URB2: variants seen among roughly 807,000 people sequenced by gnomAD.
URB2 encodes URB2 ribosome biogenesis homolog.
Under a neutral mutation model 120.9 loss-of-function variants are expected in URB2, and 86 were observed. The observed-to-expected ratio is 0.71, with a 90% CI of 0.60 to 0.85. URB2 has a LOEUF of 0.85. Ranked by LOEUF, URB2 falls within the 40% of genes least tolerant of loss-of-function variation. The probability of loss-of-function intolerance (pLI) is 0.00; values close to 1 mark genes in which losing one functional copy is unlikely to be tolerated. For missense variants in URB2, 1,765 were observed against 1,836.5 expected (o/e 0.96, Z 0.71); for synonymous variants, 755 against 758.4 (o/e 1.00, Z 0.07).
chr1:229,635,476 C>T lies in URB2; in HGVS notation c.863C>T (p.Ala288Val), dbSNP rs771084876. The change falls in exon 4 of 10, where the codon GCT becomes GTT. Residue 288 changes from alanine (A) to valine (V), a missense_variant. Ala to Val is a moderately conservative substitution (Grantham distance 64). Transcript: ENST00000258243. Reference protein sequence around the residue: ...MDTVLNRLVDAGYCAASLHTS... With the variant: ...MDTVLNRLVDVGYCAASLHTS... Reference sequence around the variant, plus strand: ...ACCGTGCTTAACAGGCTGGTTGATGCTGGCTACTGTGCAGCATCCCTTCAT... The same window carrying T: ...ACCGTGCTTAACAGGCTGGTTGATGTTGGCTACTGTGCAGCATCCCTTCAT... 7 of 1,612,644 alleles carry T rather than the reference C, an allele frequency of 4.3e-6. No individual in the cohort carries two copies. The highest frequency in any genetic ancestry group is 5.9e-6 in the Non-Finnish European group (7 of 1,179,120).
chr1:229,643,838 G>A, intron 5 of URB2, 145 bp downstream of exon 5: 1 of 1,152,864 alleles, frequency 8.7e-7, no homozygotes, highest in East Asian at 2.6e-5. Context: ...GGCTGTGAGA[G>A]GGAGCCCTGG....
In URB2 at chr1:229,660,090, GTCA is replaced by G. The variant is rs1666489392; in HGVS notation, c.*794_*796del. The G allele has an allele frequency of 5.3e-5, 8 of 152,220 alleles. 1 individual carries two copies. In the South Asian group the frequency reaches 1.7e-3, roughly 32 times the overall value. 9.4% of individuals were successfully genotyped at this position (152,220 alleles called of 1,614,324 possible). A position where few individuals can be genotyped will look rare whatever the true frequency, so the allele number is the denominator to read the frequency against. ...CTCAGTTACCCAGATAACCTCGGTT[GTCA>G]CCTTGGAGTATCTTGTTGTAGTCCC... is the stretch of plus-strand genomic sequence containing the variant. On this transcript the variant is annotated 3_prime_UTR_variant, in exon 10 of 10. Transcript: ENST00000258243.
intron 1 of URB2, among the ~76,000 whole-genome samples, chr1:229,627,109 CG>C (rs1553273054): frequency 1.3e-5 from 2 of 151,882 alleles, no homozygotes; most frequent in Non-Finnish European, 2.9e-5. Context: ...AGTGTATGTG[CG>C]TTGTAAATTT....
In URB2 at chr1:229,636,521, T is replaced by G. The variant is rs1262393344; in HGVS notation, c.1908T>G (p.Gly636=). ...ACTCTATGTCTGGGCCCCTTATAGGTGTTGCTCTGGAGATCTCGAACCTCC... is the reference window on the plus strand; with the variant it reads ...ACTCTATGTCTGGGCCCCTTATAGGGGTTGCTCTGGAGATCTCGAACCTCC... ...QYHSMSGPLI[G]VALEISNLPS... The change falls in exon 4 of 10, where the codon GGT becomes GGG. Residue 636 remains glycine, a synonymous_variant. Coordinates refer to ENST00000258243, the MANE Select transcript of URB2 (RefSeq NM_014777.4). 1 of 1,614,172 alleles carries G rather than the reference T, an allele frequency of 6.2e-7. No individual in the cohort carries two copies. Among genetic ancestry groups the G allele is most frequent in the Non-Finnish European group, 8.5e-7 (1 of 1,180,000 alleles).
intron 6 of URB2, 100 bp downstream of exon 6, chr1:229,646,069 C>A: frequency 9.1e-7 from 1 of 1,097,466 alleles, no homozygotes; most frequent in Non-Finnish European, 1.4e-6. Flanking sequence ...TAGCTTTATG[C>A]AGAACGTGTG....
At chr1:229,650,603 G>T (rs929705941) in intron 7 of URB2, among the ~76,000 whole-genome samples, 3 of 151,978 alleles carry the variant, frequency 2.0e-5, no homozygotes, top group Admixed American at 2.0e-4. Context: ...GCTAATTTTT[G>T]TATTTTTAGT....
intron 4 of URB2, among the ~76,000 whole-genome samples, chr1:229,639,149 G>T (rs917278405): frequency 6.6e-6 from 1 of 151,914 alleles, no homozygotes; most frequent in African/African-American, 2.4e-5. Flanking sequence ...ACAAAAATTG[G>T]CCAGGCATGG....
chr1:229,655,749 C>T (rs1666392500), intron 9 of URB2, among the ~76,000 whole-genome samples: 1 of 152,222 alleles, frequency 6.6e-6, no homozygotes, highest in Admixed American at 6.5e-5. Flanking sequence ...TGTGTTCAAT[C>T]TCTCTGTAAA....
intron 8 of URB2, among the ~76,000 whole-genome samples, chr1:229,651,527 T>C (rs1183203531): frequency 6.6e-6 from 1 of 152,252 alleles, no homozygotes; most frequent in South Asian, 2.1e-4. Flanking sequence ...ATCAGGCATC[T>C]CCTTATTGAA....
In URB2 at chr1:229,645,853, C is replaced by T. The variant is rs760795388; in HGVS notation, c.3796-6C>T. ...CTGCCGCTAAGTTTTTTCTCTCTTG[C>T]CCCAGGCTGTTGTGTCAGCTGTTAC... is the stretch of plus-strand genomic sequence containing the variant. On this transcript the variant is annotated splice_region_variant and splice_polypyrimidine_tract_variant and intron_variant, in intron 5 of 9. Coordinates refer to ENST00000258243, the MANE Select transcript of URB2 (RefSeq NM_014777.4). 79 of 1,613,398 alleles carry T rather than the reference C, an allele frequency of 4.9e-5. No individual in the cohort carries two copies. Among genetic ancestry groups the T allele is most frequent in the Non-Finnish European group, 6.6e-5 (78 of 1,179,582 alleles).
chr1:229,658,551 G>A (rs908458311), intron 9 of URB2, among the ~76,000 whole-genome samples: 1 of 152,204 alleles, frequency 6.6e-6, no homozygotes, highest in African/African-American at 2.4e-5. Flanking sequence ...GATATGATGT[G>A]ATCTAATTAC....
In URB2 at chr1:229,627,810, A is replaced by G. The variant is rs1245964732; in HGVS notation, c.126+51A>G. 4 of 1,528,680 alleles carry G rather than the reference A, an allele frequency of 2.6e-6. No individual in the cohort carries two copies. The South Asian group carries it at 5.3e-5, about 20-fold the overall frequency. 94.7% of individuals were successfully genotyped at this position (1,528,680 alleles called of 1,614,324 possible). On this transcript the variant is annotated intron_variant, in intron 2 of 9. Transcript: ENST00000258243. ...TTTACAGTCTGTCAAGATAATTATC[A>G]CTTTTATAATTTGGATATTGACAAT...
intron 4 of URB2, among the ~76,000 whole-genome samples, chr1:229,640,546 G>A (rs748379417): frequency 3.9e-5 from 6 of 152,140 alleles, no homozygotes; most frequent in Non-Finnish European, 8.8e-5. Flanking sequence ...TCACATTAAC[G>A]TCTGTGTTAA....
chr1:229,652,521 C>A (rs182981123), intron 8 of URB2, among the ~76,000 whole-genome samples: 1 of 152,218 alleles, frequency 6.6e-6, no homozygotes, highest in Non-Finnish European at 1.5e-5. Flanking sequence ...TTCCTCTGCC[C>A]GGTTTTGGGA....
chr1:229,632,586 T>C, intron 3 of URB2, 141 bp downstream of exon 3: 1 of 663,820 alleles, frequency 1.5e-6, no homozygotes, highest in Non-Finnish European at 2.2e-6. Flanking sequence ...ATTATTGGAA[T>C]TAAAATAGTA....
intron 7 of URB2, among the ~76,000 whole-genome samples, chr1:229,648,545 T>G (rs1200822032): frequency 6.6e-6 from 1 of 151,902 alleles, no homozygotes; most frequent in Non-Finnish European, 1.5e-5. Context: ...ACAGAAAAAA[T>G]TACAGTTCAG....
chr1:229,637,997 G>C lies in URB2; in HGVS notation c.3384G>C (p.Leu1128=). The C allele has an allele frequency of 6.2e-7, 1 of 1,613,574 alleles. No homozygotes were observed. The highest frequency in any genetic ancestry group is 1.7e-5 in the Admixed American group (1 of 59,918). Residue 1128 remains leucine (L), a synonymous_variant, in exon 4 of 10, where the codon CTG becomes CTC. Coordinates refer to ENST00000258243, the MANE Select transcript of URB2 (RefSeq NM_014777.4). ...TCAGCACGCTCTTGGAAGCCGACCT[G>C]GGTCAGCACTGCAGGGATGGAGGGG... ...SSVSTLLEAD[L]GQHCRDGGAD...
intron 7 of URB2, chr1:229,650,820 C>T (rs12120159): frequency 0.013 from 1,952 of 150,334 alleles, 20 homozygotes; most frequent in Middle Eastern, 0.024. Context: ...AGTGCATTTG[C>T]TTCAACATAA....
intron 9 of URB2, among the ~76,000 whole-genome samples, chr1:229,657,395 G>A (rs1179145040): frequency 6.6e-6 from 1 of 152,218 alleles, no homozygotes; most frequent in East Asian, 1.9e-4. Context: ...GTAGTTCAGA[G>A]CATGGGCTCT....
Sources: allele counts gnomAD v4.1 joint callset (sites outside exome capture counted in the v4.1 genomes callset), GRCh38; gene constraint gnomAD v4.1.1; transcripts MANE v1.5; gene names NCBI Gene and HGNC (gene_info 2026-07-23, HGNC 2026-07-21).